Variants in FBXL17 observed in about 807,000 individuals in gnomAD.
FBXL17 encodes the protein F-box/LRR-repeat protein 17.
FBXL17 carries 22 observed loss-of-function variants against 66.2 expected under a neutral mutation model. The ratio of observed to expected loss-of-function variants is 0.33; its 90% confidence interval spans 0.24 to 0.47. FBXL17 has a LOEUF of 0.47. Among genes scored for constraint, FBXL17 ranks in the 20% least tolerant of loss-of-function variants. FBXL17 has a pLI of 1.00. For synonymous variants in FBXL17, 474 were observed against 400.5 expected, an observed-to-expected ratio of 1.18 and a Z score of -2.19; for missense variants, 878 against 948.2, an observed-to-expected ratio of 0.93 and a Z score of 0.97.
At chr5:107,984,630 A>G (rs1232201024) in intron 7 of FBXL17, among the ~76,000 whole-genome samples, 1 of 152,206 alleles carries the variant, frequency 6.6e-6, no homozygotes, top group African/African-American at 2.4e-5. Context: ...GAATGAAACC[A>G]TTGAAGCAAA....
chr5:108,105,864 T>A (rs1445506731), intron 6 of FBXL17, among the ~76,000 whole-genome samples: 2 of 152,196 alleles, frequency 1.3e-5, no homozygotes, highest in Non-Finnish European at 2.9e-5. Flanking sequence ...TATCTCTCCT[T>A]ATTTATTTAC....
chr5:107,915,775 T>C (rs1750106692), intron 7 of FBXL17, among the ~76,000 whole-genome samples: 1 of 152,218 alleles, frequency 6.6e-6, no homozygotes. Flanking sequence ...ACCAAATACC[T>C]TAATCCAAAC....
At chr5:108,310,345 C>G (rs1314804900) in intron 4 of FBXL17, among the ~76,000 whole-genome samples, 1 of 152,112 alleles carries the variant, frequency 6.6e-6, no homozygotes, top group African/African-American at 2.4e-5. Context: ...CTTTTCTACC[C>G]AAATATCTTG....
At chr5:107,919,991 G>C (rs1439913319) in intron 7 of FBXL17, among the ~76,000 whole-genome samples, 2 of 152,154 alleles carry the variant, frequency 1.3e-5, no homozygotes, top group Non-Finnish European at 2.9e-5. Context: ...TGACTATATA[G>C]TGCAACCAAG....
chr5:108,209,503 A>G (rs1348695039), intron 5 of FBXL17, among the ~76,000 whole-genome samples: 11 of 152,148 alleles, frequency 7.2e-5, no homozygotes, highest in Non-Finnish European at 7.4e-5. Context: ...TAGTTTTTTG[A>G]AAGTTTTTAA....
At position 108,037,221 on chromosome 5, in the gene FBXL17, T is replaced by C. The variant is rs976077222; in HGVS notation, c.1746-16220A>G. 2.6e-5 allele frequency among the ~76,000 whole-genome samples: 4 copies of C among 152,114 alleles called. No individual in the cohort carries two copies. The East Asian group carries it at 7.7e-4, about 29-fold the overall frequency. ...CAGAAGCTATAATAATTTTTGACAA[T>C]ATTATGGGTATTGAAAATTATAAAG... is the stretch of plus-strand genomic sequence containing the variant. On this transcript the variant is annotated intron_variant, in intron 6 of 8. Coordinates refer to ENST00000542267, the MANE Select transcript of FBXL17 (RefSeq NM_001163315.3).
At chr5:107,895,661 T>C (rs1021996385) in intron 7 of FBXL17, among the ~76,000 whole-genome samples, 1 of 152,158 alleles carries the variant, frequency 6.6e-6, no homozygotes, top group African/African-American at 2.4e-5. Context: ...TGCAAGTTAA[T>C]AGGTATTGTA....
At chr5:108,107,608 T>C (rs917871776) in intron 6 of FBXL17, among the ~76,000 whole-genome samples, 43 of 151,578 alleles carry the variant, frequency 2.8e-4, no homozygotes, top group Non-Finnish European at 3.5e-4. Context: ...GTCAGGAGAT[T>C]GAGATCATCC....
At chr5:108,083,218 A>AAG (rs1554063516) in intron 6 of FBXL17, among the ~76,000 whole-genome samples, 6 of 144,500 alleles carry the variant, frequency 4.2e-5, no homozygotes, top group African/African-American at 1.5e-4. Context: ...CTCACCTCAG[A>AAG]ACACACACAC....
intron 8 of FBXL17, among the ~76,000 whole-genome samples, chr5:107,863,849 C>T (rs146412698): frequency 9.9e-5 from 15 of 152,268 alleles, no homozygotes; most frequent in African/African-American, 3.6e-4. Flanking sequence ...CTAAGCAACC[C>T]AACCCAGAAG....
intron 8 of FBXL17, among the ~76,000 whole-genome samples, chr5:107,874,688 C>T (rs1310042431): frequency 6.6e-6 from 1 of 152,152 alleles, no homozygotes; most frequent in African/African-American, 2.4e-5. Flanking sequence ...GTTACCACTT[C>T]TTAGAAGTTC....
intron 3 of FBXL17, among the ~76,000 whole-genome samples, chr5:108,350,674 A>G (rs554974889): frequency 6.6e-6 from 1 of 152,336 alleles, no homozygotes; most frequent in East Asian, 1.9e-4. Context: ...CAACAGTCCA[A>G]TGCCATCAAA....
At position 107,878,612 on chromosome 5, in the gene FBXL17, A is replaced by G. The variant is rs897584912; in HGVS notation, c.1965+2425T>C. On this transcript the variant is annotated intron_variant, in intron 8 of 8. Transcript: ENST00000542267. Reference sequence around the variant, plus strand: ...TACTAATTTCTTTTCTTTGTTACTCATATCTTCCTTTGAATCTTGATGGTA... The same window carrying G: ...TACTAATTTCTTTTCTTTGTTACTCGTATCTTCCTTTGAATCTTGATGGTA... 1.5e-5 allele frequency: 15 copies of G among 985,120 alleles called. No homozygotes were observed. In the African/African-American group the frequency reaches 2.3e-4, roughly 15 times the overall value. 61.0% of individuals were successfully genotyped at this position (985,120 alleles called of 1,614,324 possible).
At chr5:108,048,281 T>A (rs1383806541) in intron 6 of FBXL17, among the ~76,000 whole-genome samples, 1 of 151,512 alleles carries the variant, frequency 6.6e-6, no homozygotes, top group Non-Finnish European at 1.5e-5. Context: ...ACAACAGAAG[T>A]CCCCACACAA....
At chr5:108,338,425 G>A (rs548787547) in intron 4 of FBXL17, among the ~76,000 whole-genome samples, 1 of 152,142 alleles carries the variant, frequency 6.6e-6, no homozygotes, top group Admixed American at 6.5e-5. Context: ...TTTTATTAAA[G>A]TGAATGATAA....
intron 8 of FBXL17, among the ~76,000 whole-genome samples, chr5:107,877,738 T>G (rs973962092): frequency 6.6e-6 from 1 of 151,910 alleles, no homozygotes; most frequent in Non-Finnish European, 1.5e-5. Flanking sequence ...CCTCCTCCAC[T>G]GGCTCCACTG....
chr5:107,940,747 T>C (rs1477233671), intron 7 of FBXL17, among the ~76,000 whole-genome samples: 2 of 152,132 alleles, frequency 1.3e-5, no homozygotes, highest in Non-Finnish European at 2.9e-5. Flanking sequence ...GGAAAGGTTT[T>C]AAACTAATAC....
intron 7 of FBXL17, among the ~76,000 whole-genome samples, chr5:107,890,336 A>G (rs1366977305): frequency 6.6e-6 from 1 of 151,600 alleles, no homozygotes; most frequent in African/African-American, 2.4e-5. Flanking sequence ...ACCGAATGTC[A>G]GTTTTAAGCT....
Position 108,381,921 on chromosome 5 carries a change from A to C in FBXL17, c.-230T>G. The stretch of plus-strand genomic sequence containing the variant: ...TGCTTTGCCCAGGGAAGCCGGGAGA[A>C]CGATGGGCGCGAGCTTTGGGGACGC... On this transcript the variant is annotated 5_prime_UTR_variant, in exon 1 of 9. Coordinates refer to ENST00000542267, the MANE Select transcript of FBXL17 (RefSeq NM_001163315.3). 1 of 1,256,220 alleles carries C rather than the reference A, an allele frequency of 8.0e-7. No homozygotes were observed. The highest frequency in any genetic ancestry group is 1.0e-6 in the Non-Finnish European group (1 of 1,000,158). The allele number at this position is 1,256,220 out of a possible 1,614,324, so 77.8% of individuals were successfully genotyped here. A position where few individuals can be genotyped will look rare whatever the true frequency, so the allele number is the denominator to read the frequency against.
Sources: allele counts gnomAD v4.1 joint callset (sites outside exome capture counted in the v4.1 genomes callset), GRCh38; gene constraint gnomAD v4.1.1; transcripts MANE v1.5; gene names NCBI Gene and HGNC (gene_info 2026-07-23, HGNC 2026-07-21).